Variants in SUGCT observed in about 807,000 individuals in gnomAD.
SUGCT encodes succinyl-CoA:glutarate-CoA transferase, also known as succinyl-CoA:glutarate CoA-transferase.
SUGCT carries 41 observed loss-of-function variants against 55.0 expected under a neutral mutation model. The ratio of observed to expected loss-of-function variants is 0.74; its 90% CI spans 0.58 to 0.97. The LOEUF (loss-of-function observed/expected upper bound fraction) is 0.97, where lower values mean the gene tolerates loss of function less well. SUGCT is among the 50% of genes least tolerant of loss of function. The pLI, the probability that SUGCT is intolerant of heterozygous loss-of-function variation, is 0.00. For missense variants in SUGCT, 568 were observed against 547.8 expected (o/e 1.04, Z -0.37); for synonymous variants, 187 against 200.4 (o/e 0.93, Z 0.56).
chr7:40,830,070 C>T (rs1792573461), intron 13 of SUGCT, among the ~76,000 whole-genome samples: 1 of 152,160 alleles, frequency 6.6e-6, no homozygotes, highest in South Asian at 2.1e-4. Flanking sequence ...CATGAGCACA[C>T]CCAATTGGCT....
chr7:40,495,494 A>G (rs1791922324), intron 11 of SUGCT, among the ~76,000 whole-genome samples: 1 of 152,192 alleles, frequency 6.6e-6, no homozygotes, highest in Non-Finnish European at 1.5e-5. Flanking sequence ...GAAATTCTTC[A>G]TACCTTAGAA....
At chr7:40,248,279 G>A (rs572084883) in intron 7 of SUGCT, among the ~76,000 whole-genome samples, 9 of 152,166 alleles carry the variant, frequency 5.9e-5, no homozygotes, top group Admixed American at 1.3e-4. Context: ...CCAAAGTGCC[G>A]GAATTACAGG....
intron 12 of SUGCT, among the ~76,000 whole-genome samples, chr7:40,631,544 G>C (rs1044359791): frequency 3.3e-5 from 5 of 152,204 alleles, no homozygotes; most frequent in African/African-American, 1.2e-4. Flanking sequence ...GAAATCCCGT[G>C]CCTGGATTGG....
At chr7:40,526,858 G>A (rs563867445) in intron 12 of SUGCT, among the ~76,000 whole-genome samples, 25 of 152,154 alleles carry the variant, frequency 1.6e-4, no homozygotes, top group African/African-American at 5.5e-4. Flanking sequence ...AGGATTTGTT[G>A]GTTTTTCCAA....
At chr7:40,947,897 A>G in the SUGCT span, among the ~76,000 whole-genome samples, 1 of 152,228 alleles carries the variant, frequency 6.6e-6, no homozygotes, top group Non-Finnish European at 1.5e-5. Context: ...GCAGAACCCC[A>G]AGTTCATTCA....
chr7:40,609,700 A>G (rs1335386549), intron 12 of SUGCT, among the ~76,000 whole-genome samples: 2 of 152,228 alleles, frequency 1.3e-5, no homozygotes, highest in Non-Finnish European at 2.9e-5. Flanking sequence ...TTGTGACTAT[A>G]TAGCTGATAC....
chr7:40,653,231 A>G (rs886884288), intron 12 of SUGCT, among the ~76,000 whole-genome samples: 1 of 152,218 alleles, frequency 6.6e-6, no homozygotes, highest in Non-Finnish European at 1.5e-5. Flanking sequence ...CCTGGCATAT[A>G]TTAAATGCAT....
chr7:40,463,502 G>T (rs866369274), intron 11 of SUGCT, among the ~76,000 whole-genome samples: 17 of 152,170 alleles, frequency 1.1e-4, no homozygotes, highest in Admixed American at 5.2e-4. Flanking sequence ...TTAGAATCAG[G>T]TGATTCTCCT....
chr7:40,161,886 A>G (rs1562805374), intron 1 of SUGCT, among the ~76,000 whole-genome samples: 1 of 151,994 alleles, frequency 6.6e-6, no homozygotes, highest in Non-Finnish European at 1.5e-5. Context: ...CCACATACCA[A>G]TTTGAGGTGA....
At chr7:40,636,513 A>G (rs1800029114) in intron 12 of SUGCT, among the ~76,000 whole-genome samples, 2 of 152,206 alleles carry the variant, frequency 1.3e-5, no homozygotes, top group Non-Finnish European at 2.9e-5. Context: ...TCTTTGATGT[A>G]AAAGAGTGAC....
At chr7:40,852,786 A>G (rs1160717349) in intron 13 of SUGCT, among the ~76,000 whole-genome samples, 1 of 151,476 alleles carries the variant, frequency 6.6e-6, no homozygotes, top group Non-Finnish European at 1.5e-5. Context: ...GCCCCTCCCC[A>G]CTGTGATTGC....
chr7:40,380,537 T>A (rs1428141583), intron 9 of SUGCT, among the ~76,000 whole-genome samples: 1 of 152,198 alleles, frequency 6.6e-6, no homozygotes, highest in Non-Finnish European at 1.5e-5. Context: ...TTATGGCTTA[T>A]TCTGCTTTGA....
intron 9 of SUGCT, among the ~76,000 whole-genome samples, chr7:40,378,243 T>G (rs1784703453): frequency 6.6e-6 from 1 of 152,042 alleles, no homozygotes; most frequent in Non-Finnish European, 1.5e-5. Context: ...GGACTCCTGT[T>G]GTGCACCTGT....
intron 12 of SUGCT, among the ~76,000 whole-genome samples, chr7:40,748,589 T>G (rs1787855783): frequency 6.6e-6 from 1 of 151,818 alleles, no homozygotes; most frequent in Admixed American, 6.6e-5. Flanking sequence ...TTATTAGTTA[T>G]AGAGAATAAG....
intron 7 of SUGCT, among the ~76,000 whole-genome samples, chr7:40,258,381 A>C (rs908649105): frequency 6.6e-6 from 1 of 152,124 alleles, no homozygotes; most frequent in African/African-American, 2.4e-5. Flanking sequence ...ATATGTTTTT[A>C]ATTTTTTTTC....
chr7:40,944,700 G>A, the SUGCT span, among the ~76,000 whole-genome samples: 23 of 152,272 alleles, frequency 1.5e-4, no homozygotes, highest in South Asian at 1.9e-3. Flanking sequence ...GTCGGGTAGC[G>A]TGATGCCTCC....
At chr7:40,818,649 G>A (rs1414709627) in intron 13 of SUGCT, among the ~76,000 whole-genome samples, 4 of 152,184 alleles carry the variant, frequency 2.6e-5, no homozygotes, top group Non-Finnish European at 5.9e-5. Context: ...GGATTGAAGA[G>A]TAAATGGGAA....
intron 11 of SUGCT, among the ~76,000 whole-genome samples, chr7:40,490,493 G>A (rs895747457): frequency 4.1e-4 from 63 of 152,146 alleles, no homozygotes; most frequent in African/African-American, 1.5e-3. Flanking sequence ...TTTGGCTTGG[G>A]AGAGAAGTGA....
At chr7:40,981,430 G>A in the SUGCT span, among the ~76,000 whole-genome samples, 1 of 152,148 alleles carries the variant, frequency 6.6e-6, no homozygotes, top group Admixed American at 6.5e-5. Flanking sequence ...CTGTTAAGAT[G>A]GCTGATTAAA....
Sources: gnomAD v4.1 joint callset for allele counts (sites outside exome capture counted in the v4.1 genomes callset) on GRCh38, gnomAD v4.1.1 for gene constraint, MANE v1.5 for transcripts, NCBI Gene and HGNC (gene_info 2026-07-23, HGNC 2026-07-21) for gene names.